The following CTNNA3 variants were observed in gnomAD, a reference collection of about 807,000 sequenced individuals.
CTNNA3 encodes the protein catenin alpha-3.
In CTNNA3, 76 loss-of-function variants were observed where a neutral mutation model predicts 95.7. That is an observed-to-expected ratio of 0.79 (90% CI 0.66 to 0.96). The LOEUF (loss-of-function observed/expected upper bound fraction) is 0.96, where lower values mean the gene tolerates loss of function less well. CTNNA3 is among the 40% of genes least tolerant of loss of function. The pLI is 0.00. For missense variants in CTNNA3, 1,191 were observed against 1,089.8 expected, an observed-to-expected ratio of 1.09 and a Z score of -1.31; for synonymous variants, 431 against 374.4, an observed-to-expected ratio of 1.15 and a Z score of -1.74.
chr10:67,386,097 T>C (rs1844150501), intron 5 of CTNNA3, among the ~76,000 whole-genome samples: 1 of 152,196 alleles, frequency 6.6e-6, no homozygotes, highest in Admixed American at 6.5e-5. Context: ...ACAATATAAG[T>C]ATATGCCAAT....
intron 1 of CTNNA3, among the ~76,000 whole-genome samples, chr10:67,760,169 T>G (rs1366210084): frequency 1.3e-5 from 2 of 152,142 alleles, no homozygotes; most frequent in East Asian, 3.8e-4. Context: ...GCCCCTTAAG[T>G]ACAATTAAGG....
At chr10:66,747,727 C>T (rs1417018148) in intron 9 of CTNNA3, among the ~76,000 whole-genome samples, 3 of 152,106 alleles carry the variant, frequency 2.0e-5, no homozygotes, top group African/African-American at 7.2e-5. Flanking sequence ...TCACCTGGGC[C>T]TGTGATGAAT....
At chr10:67,070,155 A>G (rs1407216887) in intron 7 of CTNNA3, among the ~76,000 whole-genome samples, 4 of 152,266 alleles carry the variant, frequency 2.6e-5, no homozygotes, top group East Asian at 3.9e-4. Flanking sequence ...GTTGAAGTTA[A>G]GTTCTTTTTC....
intron 4 of CTNNA3, among the ~76,000 whole-genome samples, chr10:67,530,747 G>A (rs1840299831): frequency 6.6e-6 from 1 of 152,192 alleles, no homozygotes; most frequent in Admixed American, 6.5e-5. Flanking sequence ...AGACAATGGG[G>A]AAAATGTCTC....
At chr10:65,930,523 G>GT (rs2077236565) in intron 17 of CTNNA3, among the ~76,000 whole-genome samples, 1 of 152,136 alleles carries the variant, frequency 6.6e-6, no homozygotes, top group Non-Finnish European at 1.5e-5. Flanking sequence ...GAGAGTAAAA[G>GT]TAACCATGAC....
chr10:66,177,495 A>C (rs1178094816), intron 13 of CTNNA3, among the ~76,000 whole-genome samples: 1 of 152,018 alleles, frequency 6.6e-6, no homozygotes, highest in Non-Finnish European at 1.5e-5. Flanking sequence ...ATTTTGAAAA[A>C]AAAGAGACCA....
chr10:66,593,591 G>A (rs533882162), intron 10 of CTNNA3, among the ~76,000 whole-genome samples: 12 of 152,014 alleles, frequency 7.9e-5, no homozygotes, highest in Admixed American at 3.9e-4. Context: ...TGTCCCTTAA[G>A]CCACCTTATT....
intron 7 of CTNNA3, among the ~76,000 whole-genome samples, chr10:66,863,210 C>CACACAT (rs3055783): frequency 2.0e-5 from 3 of 149,564 alleles, no homozygotes; most frequent in African/African-American, 7.4e-5. Context: ...CACACACACA[C>CACACAT]GCACACACAT....
At chr10:66,459,670 A>G (rs1287741284) in intron 11 of CTNNA3, among the ~76,000 whole-genome samples, 1 of 152,228 alleles carries the variant, frequency 6.6e-6, no homozygotes, top group Non-Finnish European at 1.5e-5. Context: ...CCTGGATGGT[A>G]TAGCCTGTTG....
At chr10:66,095,587 C>A (rs1409383088) in intron 14 of CTNNA3, among the ~76,000 whole-genome samples, 1 of 151,734 alleles carries the variant, frequency 6.6e-6, no homozygotes, top group Non-Finnish European at 1.5e-5. Flanking sequence ...TAGAGTAAAC[C>A]ACTCATCCAT....
intron 5 of CTNNA3, among the ~76,000 whole-genome samples, chr10:67,284,563 A>G (rs887790858): frequency 6.6e-6 from 1 of 152,184 alleles, no homozygotes; most frequent in African/African-American, 2.4e-5. Flanking sequence ...AATAATGGCA[A>G]ATGTACCCTT....
chr10:66,403,086 C>G (rs919208723), intron 11 of CTNNA3, among the ~76,000 whole-genome samples: 15 of 152,066 alleles, frequency 9.9e-5, no homozygotes, highest in Admixed American at 3.3e-4. Context: ...GAAATCCCAC[C>G]CTTTTAGGCC....
chr10:66,401,955 C>T (rs771400942), intron 11 of CTNNA3, among the ~76,000 whole-genome samples: 20 of 152,090 alleles, frequency 1.3e-4, no homozygotes, highest in Middle Eastern at 3.4e-3. Flanking sequence ...CCACCATACC[C>T]GGCCTCTTTT....
chr10:67,293,504 T>C (rs1839914727), intron 5 of CTNNA3, among the ~76,000 whole-genome samples: 1 of 152,184 alleles, frequency 6.6e-6, no homozygotes, highest in Admixed American at 6.5e-5. Context: ...TTCTCCTCCT[T>C]CTAAATTACA....
intron 13 of CTNNA3, among the ~76,000 whole-genome samples, chr10:66,151,509 C>T (rs2084199216): frequency 6.6e-6 from 1 of 151,798 alleles, no homozygotes; most frequent in Admixed American, 6.6e-5. Flanking sequence ...TTTAAAAAGA[C>T]CAAATTCAAA....
intron 7 of CTNNA3, among the ~76,000 whole-genome samples, chr10:67,071,308 T>C (rs1187670107): frequency 1.4e-5 from 2 of 145,698 alleles, no homozygotes; most frequent in Non-Finnish European, 1.5e-5. Flanking sequence ...TTCTCTGTTT[T>C]TGTTTTGTTT....
chr10:67,325,830 T>C (rs1339508218), intron 5 of CTNNA3, among the ~76,000 whole-genome samples: 2 of 152,070 alleles, frequency 1.3e-5, no homozygotes, highest in Non-Finnish European at 1.5e-5. Flanking sequence ...GTTAGTGGGG[T>C]GTTAAAGTCT....
In CTNNA3 at chr10:67,477,837, C is replaced by A. The variant is rs530734086; in HGVS notation, c.579+44005G>T. On this transcript the variant is annotated intron_variant, in intron 5 of 17. Coordinates refer to ENST00000433211, the MANE Select transcript of CTNNA3 (RefSeq NM_013266.4). ...TAGCTCTCCAGCAATGATACCTAAC[C>A]AAAATGGAAACATAGAAGTTACAGA... Among the ~76,000 whole-genome samples, 14 of 152,236 alleles carry A rather than the reference C, an allele frequency of 9.2e-5. No homozygotes were observed. The South Asian group carries it at 2.9e-3, about 32-fold the overall frequency.
chr10:67,706,173 C>T (rs1841077703), intron 1 of CTNNA3, among the ~76,000 whole-genome samples: 1 of 151,996 alleles, frequency 6.6e-6, no homozygotes, highest in African/African-American at 2.4e-5. Context: ...CGAAACTCTC[C>T]AGTTAGGAAA....
Sources: allele counts gnomAD v4.1 joint callset (sites outside exome capture counted in the v4.1 genomes callset), GRCh38; gene constraint gnomAD v4.1.1; transcripts MANE v1.5; gene names NCBI Gene and HGNC (gene_info 2026-07-23, HGNC 2026-07-21).